WDR91: variants seen among roughly 807,000 people sequenced by gnomAD.
WDR91 encodes the protein WD repeat domain 91, also known as WD repeat-containing protein 91.
WDR91 carries 52 observed loss-of-function variants against 88.4 expected under a neutral mutation model. The ratio of observed to expected loss-of-function variants is 0.59; its 90% CI spans 0.47 to 0.74. The LOEUF is 0.74. Ranked by LOEUF, WDR91 falls within the 30% of genes least tolerant of loss-of-function variation. The pLI, the probability that WDR91 is intolerant of heterozygous loss-of-function variation, is 0.00. For synonymous variants in WDR91, 362 were observed against 389.5 expected, an observed-to-expected ratio of 0.93 and a Z score of 0.83; for missense variants, 824 against 954.5, an observed-to-expected ratio of 0.86 and a Z score of 1.80.
chr7:135,196,177 T>C lies in WDR91; in HGVS notation c.1211A>G (p.Tyr404Cys). The C allele has an allele frequency of 6.3e-7, 1 of 1,590,352 alleles. No individual in the cohort carries two copies. The highest frequency in any genetic ancestry group is 1.4e-5 in the African/African-American group (1 of 74,028). ...CATGATGGATGAGTGGTGTTCCCCG[T>C]ACTCCTCCTGTCCCAGCACAATAAA... ...QPFIVLGQEE[Y>C]GEHHSSIMHC... is the part of the protein sequence containing the mutation. Residue 404 changes from tyrosine (Y) to cysteine (C), a missense_variant, in exon 8 of 15, where the codon TAC becomes TGC. Transcript: ENST00000354475. This position sits in a 1 kb window ranked among gnomAD's most constrained non-coding sequence, Gnocchi z 4.2.
chr7:135,200,062 T>C (rs931616444), intron 6 of WDR91: 1 of 152,242 alleles, frequency 6.6e-6, no homozygotes, highest in African/African-American at 2.4e-5. Flanking sequence ...GCATGACCTA[T>C]CAGATTTTGC....
In WDR91 at chr7:135,185,339, G is replaced by GA. The variant is rs1465029106; in HGVS notation, c.*811dup. 6.6e-6 allele frequency: 1 copy of GA among 152,148 alleles called. No homozygotes were observed. The highest frequency in any genetic ancestry group is 1.5e-5 in the Non-Finnish European group (1 of 68,042). 9.4% of individuals were successfully genotyped at this position (152,148 alleles called of 1,614,324 possible). Reference sequence around the variant, plus strand: ...GAATGAATTTCATGTTTAGACATGAGACCTACCAAGATACCTCATTATGTA... The same window carrying GA: ...GAATGAATTTCATGTTTAGACATGAGAACCTACCAAGATACCTCATTATGTA... On this transcript the variant is annotated 3_prime_UTR_variant, in exon 15 of 15. Coordinates refer to ENST00000354475, the MANE Select transcript of WDR91 (RefSeq NM_014149.4).
Position 135,206,020 on chromosome 7 carries a change from T to C in WDR91, c.633A>G (p.Lys211=), listed in dbSNP as rs756094226. ...CTTCCTCTTCTGGCTGTTGCTCCTC[T>C]TTCTTCAGTCGGTGGATTTCAGCTT... The part of the protein sequence containing the change: ...ALQAEIHRLK[K]EEQQPEEEEA... Residue 211 remains lysine, a synonymous_variant, in exon 5 of 15, where the codon AAA becomes AAG. Transcript: ENST00000354475. The C allele has an allele frequency of 2.5e-6, 4 of 1,614,108 alleles. No individual in the cohort carries two copies. Among genetic ancestry groups the C allele is most frequent in the African/African-American group, 1.3e-5 (1 of 74,934 alleles).
chr7:135,187,481 G>A (rs1424676671), intron 13 of WDR91, among the ~76,000 whole-genome samples: 1 of 152,190 alleles, frequency 6.6e-6, no homozygotes, highest in Non-Finnish European at 1.5e-5. Flanking sequence ...GAGAGGAAAA[G>A]GGACAGCAAG....
Position 135,209,018 on chromosome 7 carries a change from T to G in WDR91, c.304-20A>C. ...GTTTGTCTGCCAAGACACAAGGAGG[T>G]AGCAAGGAGGGAGGAGAGACAGAAA... is the stretch of plus-strand genomic sequence containing the variant. On this transcript the variant is annotated intron_variant, in intron 2 of 14. Coordinates refer to ENST00000354475, the MANE Select transcript of WDR91 (RefSeq NM_014149.4). 6.2e-7 allele frequency: 1 copy of G among 1,608,656 alleles called. No individual in the cohort carries two copies. The highest frequency in any genetic ancestry group is 8.5e-7 in the Non-Finnish European group (1 of 1,176,220).
intron 4 of WDR91, among the ~76,000 whole-genome samples, chr7:135,206,724 TATATAGTTTATATATATAC>T (rs1831800813): frequency 6.6e-6 from 1 of 151,522 alleles, no homozygotes; most frequent in African/African-American, 2.4e-5. Context: ...TGTGTGTGTA[TATATAGTTTATATATATAC>T]ATATAGTTTA....
chr7:135,187,458 G>C (rs1040823378), intron 13 of WDR91, among the ~76,000 whole-genome samples: 1 of 152,154 alleles, frequency 6.6e-6, no homozygotes, highest in African/African-American at 2.4e-5. Flanking sequence ...CTTTCTCTCT[G>C]GCCTGACCCT....
Position 135,211,364 on chromosome 7 carries a change from C to T in WDR91, c.123+16G>A, listed in dbSNP as rs751440461. 1 of 1,602,116 alleles carries T rather than the reference C, an allele frequency of 6.2e-7. No individual in the cohort carries two copies. Among genetic ancestry groups the T allele is most frequent in the East Asian group, 2.3e-5 (1 of 44,068 alleles). ...TCGGGCCGCCTCTGCCCGCGCCGCT[C>T]CCGCCGGCCTCTCACCCGGAACCCC... On this transcript the variant is annotated intron_variant, in intron 1 of 14. Coordinates refer to ENST00000354475, the MANE Select transcript of WDR91 (RefSeq NM_014149.4).
chr7:135,185,900 C>A lies in WDR91; in HGVS notation c.*251G>T. The A allele has an allele frequency of 2.2e-6, 1 of 458,266 alleles. No individual in the cohort carries two copies. The allele number at this position is 458,266 out of a possible 1,614,324, so 28.4% of individuals were successfully genotyped here. A position where few individuals can be genotyped will look rare whatever the true frequency, so the allele number is the denominator to read the frequency against. On this transcript the variant is annotated 3_prime_UTR_variant, in exon 15 of 15. Transcript: ENST00000354475. ...ATGTTTCTCCTTCTTCCGGAGCTTT[C>A]CTCCCATAGTCTCACATGTACTCCT...
Position 135,208,801 on chromosome 7 carries a change from A to T in WDR91, c.501T>A (p.Phe167Leu), listed in dbSNP as rs773372922. The change falls in exon 3 of 15, where the codon TTT becomes TTA. Residue 167 changes from phenylalanine (F) to leucine (L), a missense_variant. Phe to Leu is a conservative substitution (Grantham distance 22, BLOSUM62 0). Transcript: ENST00000354475. Reference protein sequence around the residue: ...VSLHNFLSVLFQCMPVPVILN... With the variant: ...VSLHNFLSVLLQCMPVPVILN... ...CAACTGAAAGGATATGCATGCACTG[A>T]AACAGGACGCTCAGGAAGTTGTGCA... The T allele has an allele frequency of 1.6e-5, 25 of 1,608,058 alleles. No homozygotes were observed. The highest frequency in any genetic ancestry group is 2.1e-5 in the Non-Finnish European group (25 of 1,176,350).
rs1261983188 is a variant in WDR91 at position 135,196,394 on chromosome 7, G to A, written c.1051-57C>T. ...AGGAAAGGGTCCCCCACACCAGGGT[G>A]TACACCGCAGGGGGTCTAGGCCTAG... On this transcript the variant is annotated intron_variant, in intron 7 of 14. Transcript: ENST00000354475. This position sits in a 1 kb window ranked among gnomAD's most constrained non-coding sequence, Gnocchi z 4.2. The A allele has an allele frequency of 2.8e-6, 4 of 1,448,172 alleles. No individual in the cohort carries two copies. The highest frequency in any genetic ancestry group is 5.1e-5 in the East Asian group (2 of 39,172). The allele number at this position is 1,448,172 out of a possible 1,614,324, so 89.7% of individuals were successfully genotyped here.
chr7:135,205,962 C>T lies in WDR91; in HGVS notation c.691G>A (p.Val231Ile), dbSNP rs1831758339. 1.9e-6 allele frequency: 3 copies of T among 1,613,980 alleles called. No individual in the cohort carries two copies. The highest frequency in any genetic ancestry group is 1.7e-4 in the Middle Eastern group (1 of 5,980). ...ALVQHKLPPY[V>I]SNMDRLGDSE... is the part of the protein sequence containing the mutation. ...TCCCCCAGGCGGTCCATGTTGGAGACATAAGGAGGCAATTTGTGTTGGACC... is the reference window on the plus strand; with the variant it reads ...TCCCCCAGGCGGTCCATGTTGGAGATATAAGGAGGCAATTTGTGTTGGACC... Residue 231 changes from valine (V) to isoleucine (I), a missense_variant, in exon 5 of 15, where the codon GTC becomes ATC. By Grantham distance (29) the Val-to-Ile change is conservative. Transcript: ENST00000354475.
At chr7:135,207,000 T>A (rs769831377) in intron 4 of WDR91, 120 bp downstream of exon 4, 1 of 616,250 alleles carries the variant, frequency 1.6e-6, no homozygotes, top group Admixed American at 2.9e-5. Flanking sequence ...CTCATTTCCA[T>A]CTGAGAAATT....
In WDR91 at chr7:135,196,140, C is replaced by T. The variant is rs1283536845; in HGVS notation, c.1244+4G>A. The stretch of plus-strand genomic sequence containing the variant: ...GGGTTTCCTTGGCCCCAGGCCCAAC[C>T]CACCTGCAGTGCATGATGGATGAGT... On this transcript the variant is annotated splice_donor_region_variant and intron_variant, in intron 8 of 14. Transcript: ENST00000354475. This position sits in a 1 kb window ranked among gnomAD's most constrained non-coding sequence, Gnocchi z 4.2. The T allele has an allele frequency of 5.3e-6, 8 of 1,499,268 alleles. No homozygotes were observed. The highest frequency in any genetic ancestry group is 7.2e-6 in the Non-Finnish European group (8 of 1,118,682). 92.9% of individuals were successfully genotyped at this position (1,499,268 alleles called of 1,614,324 possible).
At chr7:135,189,660 A>C (rs1295544713) in intron 11 of WDR91, among the ~76,000 whole-genome samples, 1 of 152,258 alleles carries the variant, frequency 6.6e-6, no homozygotes, top group Admixed American at 6.5e-5. Flanking sequence ...GCCTAAATAC[A>C]TTCTGGTTTC....
intron 5 of WDR91, among the ~76,000 whole-genome samples, chr7:135,205,631 G>C (rs1224620154): frequency 1.3e-5 from 2 of 152,242 alleles, no homozygotes; most frequent in Non-Finnish European, 2.9e-5. Context: ...ATGGTGGCAT[G>C]CACTTGTAAT....
At chr7:135,192,105 T>G (rs1330192516) in intron 11 of WDR91, among the ~76,000 whole-genome samples, 2 of 52,724 alleles carry the variant, frequency 3.8e-5, no homozygotes, top group East Asian at 5.3e-4. Flanking sequence ...CAATTTCTGT[T>G]GTGTTTTTTT....
In WDR91 at chr7:135,209,008, C is replaced by CACA. The variant is rs747426735; in HGVS notation, c.304-13_304-11dup. ...TGTCATTTCTGTTTGTCTGCCAAGA[C>CACA]ACAAGGAGGTAGCAAGGAGGGAGGA... On this transcript the variant is annotated splice_polypyrimidine_tract_variant and intron_variant, in intron 2 of 14. Coordinates refer to ENST00000354475, the MANE Select transcript of WDR91 (RefSeq NM_014149.4). 1.2e-6 allele frequency: 2 copies of CACA among 1,611,998 alleles called. No homozygotes were observed. The highest frequency in any genetic ancestry group is 1.7e-6 in the Non-Finnish European group (2 of 1,178,692).
Position 135,196,086 on chromosome 7 carries a change from G to C in WDR91, c.1244+58C>G. 1 of 1,444,358 alleles carries C rather than the reference G, an allele frequency of 6.9e-7. No homozygotes were observed. The highest frequency in any genetic ancestry group is 9.2e-7 in the Non-Finnish European group (1 of 1,086,984). 89.5% of individuals were successfully genotyped at this position (1,444,358 alleles called of 1,614,324 possible). On this transcript the variant is annotated intron_variant, in intron 8 of 14. Transcript: ENST00000354475. The surrounding 1 kb of genome is among the most constrained non-coding windows in gnomAD (Gnocchi z 4.2). ...CATCTCCTGCTGGCCACACCTCCAC[G>C]TGTACTGCCTGAAAATCTGAGCTTC...
Sources: gnomAD v4.1 joint callset for allele counts (sites outside exome capture counted in the v4.1 genomes callset) on GRCh38, gnomAD v4.1.1 for gene constraint, Gnocchi (gnomAD v3.1) non-coding constraint, MANE v1.5 for transcripts, NCBI Gene and HGNC (gene_info 2026-07-23, HGNC 2026-07-21) for gene names.